SLC4A5: variants seen among roughly 807,000 people sequenced by gnomAD.
The protein encoded by SLC4A5 is solute carrier family 4 member 5, also known as electrogenic sodium bicarbonate cotransporter 4.
In SLC4A5, 96 loss-of-function variants were observed where a neutral mutation model predicts 120.4. The observed-to-expected ratio is 0.80, with a 90% CI of 0.68 to 0.94. SLC4A5 has a LOEUF of 0.94. Among genes scored for constraint, SLC4A5 ranks in the 40% least tolerant of loss-of-function variants. SLC4A5 has a pLI of 0.00. For synonymous variants in SLC4A5, 550 were observed against 571.1 expected (o/e 0.96, Z 0.53); for missense variants, 1,259 against 1,459.5 (o/e 0.86, Z 2.24).
chr2:74,302,398 C>A (rs1191175264), intron 7 of SLC4A5, among the ~76,000 whole-genome samples: 1 of 152,172 alleles, frequency 6.6e-6, no homozygotes, highest in African/African-American at 2.4e-5. Context: ...AGGTAGATCA[C>A]TTGATGTCAG....
chr2:74,316,260 G>T (rs759285045), intron 5 of SLC4A5, among the ~76,000 whole-genome samples: 7 of 124,732 alleles, frequency 5.6e-5, no homozygotes, highest in Non-Finnish European at 9.4e-5. Flanking sequence ...TTGTAGGAAA[G>T]ACACCACAAT....
chr2:74,325,352 C>A (rs1673194161), intron 5 of SLC4A5, among the ~76,000 whole-genome samples: 1 of 152,202 alleles, frequency 6.6e-6, no homozygotes, highest in South Asian at 2.1e-4. Flanking sequence ...GCATACCTTC[C>A]AGTTCTGGAC....
intron 25 of SLC4A5, among the ~76,000 whole-genome samples, chr2:74,229,066 A>G (rs953187433): frequency 1.5e-5 from 2 of 135,768 alleles, no homozygotes; most frequent in African/African-American, 2.8e-5. Context: ...CTTTAGAGGA[A>G]TTTTTTGCCC....
At chr2:74,308,300 C>T (rs559945436) in intron 6 of SLC4A5, among the ~76,000 whole-genome samples, 2 of 152,316 alleles carry the variant, frequency 1.3e-5, no homozygotes, top group South Asian at 4.1e-4. Context: ...AAGAAACTGC[C>T]ATACCATCTT....
At position 74,262,361 on chromosome 2, in the gene SLC4A5, T is replaced by C. The variant is rs79160945; in HGVS notation, c.716-129A>G. 4,441 of 521,196 alleles carry C rather than the reference T, an allele frequency of 8.5e-3. 159 individuals are homozygous for C. Among genetic ancestry groups the C allele is most frequent in the African/African-American group, 0.079 (3,962 of 50,012 alleles). The allele number at this position is 521,196 out of a possible 1,614,324, so 32.3% of individuals were successfully genotyped here. ...TGTCTCTTCCCCTTCTGGGAAGAAA[T>C]TCTTTTTTTTTTTTTTTTTTTAATT... On this transcript the variant is annotated intron_variant, in intron 10 of 30. Transcript: ENST00000394019.
intron 7 of SLC4A5, among the ~76,000 whole-genome samples, chr2:74,288,721 A>G (rs1473917239): frequency 6.6e-6 from 1 of 152,120 alleles, no homozygotes; most frequent in Non-Finnish European, 1.5e-5. Context: ...TGTCCAGGCA[A>G]TACACCCATG....
exon 9 of SLC4A5, chr2:74,265,210 G>C (rs1322132276): frequency 3.1e-6 from 5 of 1,614,204 alleles, no homozygotes; most frequent in Non-Finnish European, 3.4e-6. Flanking sequence ...TGGACACGTG[G>C]GGCTTGCTCC....
At chr2:74,286,895 T>G (rs1672001994) in intron 7 of SLC4A5, among the ~76,000 whole-genome samples, 1 of 152,100 alleles carries the variant, frequency 6.6e-6, no homozygotes, top group African/African-American at 2.4e-5. Flanking sequence ...GTTCAGCACG[T>G]GAGCAAGGGA....
rs1205702974 is a variant in SLC4A5, at chr2:74,250,536, G to A, written c.1479-19C>T. 6.2e-7 allele frequency: 1 copy of A among 1,613,768 alleles called. No individual in the cohort carries two copies. The highest frequency in any genetic ancestry group is 8.5e-7 in the Non-Finnish European group (1 of 1,179,808). The stretch of plus-strand genomic sequence containing the variant: ...GAAGAACCTGCTCAAGACAGGCCCA[G>A]GGGCTGCTTTCTCACCACTAACACC... On this transcript the variant is annotated intron_variant, in intron 16 of 30. Transcript: ENST00000394019.
chr2:74,321,636 A>G (rs1673100444), intron 5 of SLC4A5, among the ~76,000 whole-genome samples: 1 of 151,916 alleles, frequency 6.6e-6, no homozygotes, highest in Non-Finnish European at 1.5e-5. Flanking sequence ...GGAAAATAAT[A>G]TTGAGTCTGT....
chr2:74,300,809 T>C (rs1466304793), intron 7 of SLC4A5, among the ~76,000 whole-genome samples: 1 of 152,214 alleles, frequency 6.6e-6, no homozygotes, highest in Non-Finnish European at 1.5e-5. Context: ...CTGCTTTCCA[T>C]GTAGCGCATG....
At chr2:74,292,464 CAT>C (rs1175770802) in intron 7 of SLC4A5, among the ~76,000 whole-genome samples, 3 of 152,200 alleles carry the variant, frequency 2.0e-5, no homozygotes, top group African/African-American at 7.2e-5. Flanking sequence ...GCGGATCCCA[CAT>C]GTGTGCAGCA....
At chr2:74,333,609 T>C (rs1673418860) in intron 4 of SLC4A5, among the ~76,000 whole-genome samples, 1 of 152,216 alleles carries the variant, frequency 6.6e-6, no homozygotes, top group Non-Finnish European at 1.5e-5. Flanking sequence ...GAGGATTGCA[T>C]AGGTCACATT....
intron 24 of SLC4A5, 81 bp from the exon 25 acceptor site, chr2:74,231,389 C>T: frequency 7.6e-7 from 1 of 1,309,012 alleles, no homozygotes; most frequent in Non-Finnish European, 1.1e-6. Context: ...TCTGTGGGCA[C>T]CTGAAGCTTG....
chr2:74,323,309 A>T (rs1174378870), intron 5 of SLC4A5, among the ~76,000 whole-genome samples: 2 of 152,176 alleles, frequency 1.3e-5, no homozygotes, highest in East Asian at 3.8e-4. Context: ...CCAACCTAAC[A>T]TTCTCCACCC....
At chr2:74,242,763 G>A (rs1469957190) in intron 19 of SLC4A5, among the ~76,000 whole-genome samples, 2 of 152,026 alleles carry the variant, frequency 1.3e-5, no homozygotes, top group African/African-American at 4.8e-5. Flanking sequence ...AGTGATTCTC[G>A]TGTCTCACCC....
rs189394227 is a variant in SLC4A5, at chr2:74,293,456, A to T, written c.272-7554T>A. Among the ~76,000 whole-genome samples the T allele has an allele frequency of 1.4e-3, 207 of 152,288 alleles. 2 individuals are homozygous for T. The highest frequency in any genetic ancestry group is 4.8e-3 in the African/African-American group (201 of 41,544). On this transcript the variant is annotated intron_variant, in intron 7 of 30. Transcript: ENST00000394019. ...TTGGAGCAGGAATGGTTCATTGGAC[A>T]CCTGTCCCAAGCCTGTGAATTTTGA...
At chr2:74,332,151 A>G (rs1420960131) in intron 4 of SLC4A5, among the ~76,000 whole-genome samples, 1 of 152,094 alleles carries the variant, frequency 6.6e-6, no homozygotes, top group Non-Finnish European at 1.5e-5. Context: ...CTTATTTCTC[A>G]TTTGATTCTA....
chr2:74,289,475 C>A (rs916421200), intron 7 of SLC4A5, among the ~76,000 whole-genome samples: 1 of 152,074 alleles, frequency 6.6e-6, no homozygotes, highest in Non-Finnish European at 1.5e-5. Flanking sequence ...TGTCACCATG[C>A]CTGGCTAATT....
Sources: gnomAD v4.1 joint callset for allele counts (sites outside exome capture counted in the v4.1 genomes callset) on GRCh38, gnomAD v4.1.1 for gene constraint, MANE v1.5 for transcripts, NCBI Gene and HGNC (gene_info 2026-07-23, HGNC 2026-07-21) for gene names.